The following PDE4D variants were observed in gnomAD, a reference collection of about 807,000 sequenced individuals.
PDE4D encodes the protein 3',5'-cyclic-AMP phosphodiesterase 4D.
A neutral mutation model predicts 87.4 loss-of-function variants in PDE4D; 24 were observed. That is an observed-to-expected ratio of 0.27 (90% CI 0.20 to 0.39). The LOEUF (loss-of-function observed/expected upper bound fraction) is 0.39, where lower values mean the gene tolerates loss of function less well. PDE4D is among the 10% of genes least tolerant of loss of function. PDE4D has a pLI of 1.00. For synonymous variants in PDE4D, 384 were observed against 383.2 expected, an observed-to-expected ratio of 1.00 and a Z score of -0.02; for missense variants, 714 against 1,041.0, an observed-to-expected ratio of 0.69 and a Z score of 4.32.
At chr5:60,200,602 T>C (rs1263613739) in intron 1 of PDE4D, among the ~76,000 whole-genome samples, 2 of 152,280 alleles carry the variant, frequency 1.3e-5, no homozygotes, top group Middle Eastern at 3.4e-3. Context: ...GACTCTACTG[T>C]AGATGACAGT....
chr5:59,132,626 T>C (rs1192293099), intron 5 of PDE4D, among the ~76,000 whole-genome samples: 3 of 152,178 alleles, frequency 2.0e-5, no homozygotes, highest in Admixed American at 6.5e-5. Context: ...ATAACACTAG[T>C]TTAATCTTCC....
chr5:60,511,651 A>C (rs1233046868), intron 1 of PDE4D, among the ~76,000 whole-genome samples: 1 of 151,900 alleles, frequency 6.6e-6, no homozygotes, highest in Non-Finnish European at 1.5e-5. Flanking sequence ...CAGATAAGGA[A>C]ACTAATGCTT....
At chr5:60,014,451 G>A (rs1326147513) in intron 2 of PDE4D, among the ~76,000 whole-genome samples, 1 of 152,144 alleles carries the variant, frequency 6.6e-6, no homozygotes, top group African/African-American at 2.4e-5. Context: ...GTAAAAAATG[G>A]TCTCTGATCA....
At chr5:59,522,918 G>C (rs1013175659) in intron 1 of PDE4D, among the ~76,000 whole-genome samples, 1 of 152,172 alleles carries the variant, frequency 6.6e-6, no homozygotes, top group African/African-American at 2.4e-5. Flanking sequence ...AAAGTTTTTA[G>C]CCTTGAAAAG....
intron 3 of PDE4D, among the ~76,000 whole-genome samples, chr5:59,905,033 G>T (rs1752672602): frequency 6.6e-6 from 1 of 152,020 alleles, no homozygotes; most frequent in South Asian, 2.1e-4. Flanking sequence ...AGTGATACAA[G>T]ATTTTATTTA....
rs143787267 is a variant in PDE4D at position 59,809,877 on chromosome 5, G to A, written c.455+83291C>T. Among the ~76,000 whole-genome samples, 29 of 152,226 alleles carry A rather than the reference G, an allele frequency of 1.9e-4. No individual in the cohort carries two copies. In the East Asian group the frequency reaches 5.4e-3, roughly 28 times the overall value. ...ATTAACCTTTCATCTAGGGCCCGGGGTCCATCTCTGCCTAGAGAGCATGTG... is the reference window on the plus strand; with the variant it reads ...ATTAACCTTTCATCTAGGGCCCGGGATCCATCTCTGCCTAGAGAGCATGTG... On this transcript the variant is annotated intron_variant, in intron 1 of 14. Transcript: ENST00000340635.
At chr5:59,873,268 G>C (rs75444785) in intron 1 of PDE4D, among the ~76,000 whole-genome samples, 1,602 of 152,280 alleles carry the variant, frequency 0.011, 21 homozygotes, top group Middle Eastern at 0.024. Context: ...ATTTTTAAGG[G>C]ATGACACAGT....
At chr5:60,192,717 AAGTT>A (rs1396803388) in intron 1 of PDE4D, among the ~76,000 whole-genome samples, 1 of 152,224 alleles carries the variant, frequency 6.6e-6, no homozygotes, top group Non-Finnish European at 1.5e-5. Context: ...AAGACTGAAA[AAGTT>A]AGCAAAATAT....
chr5:59,974,435 A>G (rs1469704267), intron 3 of PDE4D, among the ~76,000 whole-genome samples: 1 of 152,134 alleles, frequency 6.6e-6, no homozygotes, highest in Non-Finnish European at 1.5e-5. Flanking sequence ...CCTTCTCCAT[A>G]CTCCAGAGAC....
intron 1 of PDE4D, chr5:60,460,698 C>T (rs974700865): frequency 1.1e-6 from 1 of 934,804 alleles, no homozygotes; most frequent in African/African-American, 1.6e-5. Flanking sequence ...TTCTTGGTTT[C>T]TTCTTTTGAG....
intron 5 of PDE4D, among the ~76,000 whole-genome samples, chr5:59,080,204 A>G (rs1766491700): frequency 6.6e-6 from 1 of 152,134 alleles, no homozygotes; most frequent in South Asian, 2.1e-4. Flanking sequence ...GTCAGTGTAA[A>G]TTCCATAGTA....
rs1160132247 is a variant in PDE4D, at chr5:60,198,066, G to A, written c.-89-12379C>T. 2.7e-5 allele frequency among the ~76,000 whole-genome samples: 4 copies of A among 148,362 alleles called. No homozygotes were observed. In the East Asian group the frequency reaches 7.8e-4, roughly 29 times the overall value. ...TTTTTTTTTTTTTTGCTTTTCAAGA[G>A]TTTTACTGTTTTACCAATTTATTAT... On this transcript the variant is annotated intron_variant, in intron 1 of 16. Transcript: ENST00000502484.
intron 1 of PDE4D, among the ~76,000 whole-genome samples, chr5:59,495,773 G>A (rs766703835): frequency 2.6e-5 from 4 of 152,162 alleles, no homozygotes; most frequent in Non-Finnish European, 5.9e-5. Context: ...TGTGCAACTG[G>A]AGAAGTGGCT....
chr5:59,728,304 C>T (rs1216821393), intron 1 of PDE4D, among the ~76,000 whole-genome samples: 1 of 152,060 alleles, frequency 6.6e-6, no homozygotes, highest in Non-Finnish European at 1.5e-5. Context: ...AATAATACAA[C>T]TTATACAATG....
intron 2 of PDE4D, among the ~76,000 whole-genome samples, chr5:60,091,713 C>A (rs1775130231): frequency 6.6e-6 from 1 of 152,098 alleles, no homozygotes. Context: ...TCCACAATAG[C>A]CAAGATATGG....
intron 2 of PDE4D, among the ~76,000 whole-genome samples, chr5:60,143,635 GTGTGTGTGTGTGTGTA>G (rs1386361962): frequency 4.9e-5 from 7 of 143,830 alleles, no homozygotes; most frequent in African/African-American, 1.9e-4. Flanking sequence ...GTGTGTGTGT[GTGTGTGTGTGTGTGTA>G]TGTGTGTGTG....
Position 59,231,892 on chromosome 5 carries a change from C to T in PDE4D, c.456-15924G>A, listed in dbSNP as rs139317327. On this transcript the variant is annotated intron_variant, in intron 1 of 14. Coordinates refer to ENST00000340635, the MANE Select transcript of PDE4D (RefSeq NM_001104631.2). Reference sequence around the variant, plus strand: ...AGATGTTAGAGAATAAGTCTATAATCATTACACACAGTTGTGATTGTTGTG... The same window carrying T: ...AGATGTTAGAGAATAAGTCTATAATTATTACACACAGTTGTGATTGTTGTG... Among the ~76,000 whole-genome samples the T allele has an allele frequency of 3.3e-5, 5 of 152,264 alleles. No individual in the cohort carries two copies. The East Asian group carries it at 9.7e-4, about 29-fold the overall frequency.
chr5:59,886,684 C>G (rs1262296365), intron 1 of PDE4D, among the ~76,000 whole-genome samples: 5 of 151,804 alleles, frequency 3.3e-5, no homozygotes, highest in African/African-American at 1.2e-4. Context: ...AAGGAAGAAG[C>G]AGCCTCAGCA....
chr5:60,333,176 T>A (rs955999917), intron 1 of PDE4D, among the ~76,000 whole-genome samples: 7 of 152,178 alleles, frequency 4.6e-5, no homozygotes, highest in African/African-American at 1.7e-4. Flanking sequence ...AGTTCAGGTA[T>A]GACTCGCTCC....
Sources: gnomAD v4.1 joint callset for allele counts (sites outside exome capture counted in the v4.1 genomes callset) on GRCh38, gnomAD v4.1.1 for gene constraint, MANE v1.5 for transcripts, NCBI Gene and HGNC (gene_info 2026-07-23, HGNC 2026-07-21) for gene names.